Variants in RFX4 observed in about 807,000 individuals in gnomAD.
RFX4 encodes the protein regulatory factor X4.
A neutral mutation model predicts 95.0 loss-of-function variants in RFX4; 10 were observed. The observed-to-expected ratio is 0.11, with a 90% CI of 0.06 to 0.18. The LOEUF (loss-of-function observed/expected upper bound fraction) is 0.18, where lower values mean the gene tolerates loss of function less well. RFX4 is among the 10% of genes least tolerant of loss of function. The pLI is 1.00. For missense variants in RFX4, 640 were observed against 922.0 expected (o/e 0.69, Z 3.96); for synonymous variants, 321 against 340.7 (o/e 0.94, Z 0.64).
chr12:106,675,992 C>T (rs558198683), intron 4 of RFX4, among the ~76,000 whole-genome samples: 62 of 152,202 alleles, frequency 4.1e-4, no homozygotes, highest in African/African-American at 1.4e-3. Context: ...TGGGGCATGA[C>T]GGGAAGCAGG....
In RFX4 at chr12:106,639,344, A is replaced by G; in HGVS notation, c.143A>G (p.Glu48Gly). Residue 48 changes from glutamate (E) to glycine (G), a missense_variant, in exon 3 of 18, where the codon GAA (glutamate) becomes GGA (glycine). Physicochemically the swap from Glu to Gly is moderately conservative, Grantham distance 98. Transcript: ENST00000392842. ...TTTCCTTTAACAGATGAGGAAAAAGAAAATAATAGAGCATCCAAGCCCCAC... is the reference window on the plus strand; with the variant it reads ...TTTCCTTTAACAGATGAGGAAAAAGGAAATAATAGAGCATCCAAGCCCCAC... ...NVSNDENEEK[E>G]NNRASKPHST... 3 of 1,613,590 alleles carry G rather than the reference A, an allele frequency of 1.9e-6. No homozygotes were observed. The highest frequency in any genetic ancestry group is 2.5e-6 in the Non-Finnish European group (3 of 1,179,786).
intron 15 of RFX4, among the ~76,000 whole-genome samples, chr12:106,743,168 G>T (rs1337769598): frequency 6.6e-6 from 1 of 152,092 alleles, no homozygotes; most frequent in Non-Finnish European, 1.5e-5. Context: ...TAAATAAATA[G>T]AAATGTGAGG....
chr12:106,721,508 C>T (rs1234574933), intron 13 of RFX4, among the ~76,000 whole-genome samples: 1 of 152,160 alleles, frequency 6.6e-6, no homozygotes, highest in African/African-American at 2.4e-5. Context: ...CGGGCAGCAA[C>T]CTGATTACTG....
intron 4 of RFX4, among the ~76,000 whole-genome samples, chr12:106,671,693 G>A (rs750437239): frequency 1.3e-5 from 2 of 151,652 alleles, no homozygotes; most frequent in East Asian, 1.9e-4. Context: ...ATGGAGTCTC[G>A]CTCTGTCACC....
chr12:106,741,263 C>G (rs1465647397), intron 15 of RFX4, among the ~76,000 whole-genome samples: 2 of 152,004 alleles, frequency 1.3e-5, no homozygotes, highest in African/African-American at 2.4e-5. Context: ...GCCTGCATGA[C>G]AGAGTGAGAC....
intron 17 of RFX4, among the ~76,000 whole-genome samples, chr12:106,754,264 G>A (rs192155784): frequency 6.6e-6 from 1 of 152,300 alleles, no homozygotes; most frequent in East Asian, 1.9e-4. Context: ...TAGGAGCTCC[G>A]TCTCTTGGGA....
chr12:106,708,950 C>G (rs1719114805), intron 8 of RFX4, among the ~76,000 whole-genome samples: 1 of 152,182 alleles, frequency 6.6e-6, no homozygotes, highest in South Asian at 2.1e-4. Context: ...AGTTATGTTG[C>G]AAACAGGGTT....
intron 8 of RFX4, among the ~76,000 whole-genome samples, chr12:106,707,020 T>TAA: frequency 6.6e-6 from 1 of 152,326 alleles, no homozygotes; most frequent in Non-Finnish European, 1.5e-5. Flanking sequence ...TTTTAGGGGT[T>TAA]AAATGACATC....
chr12:106,704,804 TG>T (rs1190358664), intron 8 of RFX4, among the ~76,000 whole-genome samples: 1 of 151,964 alleles, frequency 6.6e-6, no homozygotes, highest in African/African-American at 2.4e-5. Flanking sequence ...TAAGAAAGTG[TG>T]TGTGTATGCA....
intron 2 of RFX4, among the ~76,000 whole-genome samples, chr12:106,617,959 T>C (rs1565951715): frequency 6.6e-6 from 1 of 152,154 alleles, no homozygotes; most frequent in Non-Finnish European, 1.5e-5. Flanking sequence ...ACTCCTGACC[T>C]CAAGTGATCC....
intron 4 of RFX4, among the ~76,000 whole-genome samples, chr12:106,676,823 C>A (rs1265706276): frequency 6.6e-6 from 1 of 152,214 alleles, no homozygotes; most frequent in South Asian, 2.1e-4. Context: ...TCCTCAAACA[C>A]ACCCAATGTG....
At chr12:106,668,394 G>A (rs954745908) in intron 4 of RFX4, among the ~76,000 whole-genome samples, 3 of 152,076 alleles carry the variant, frequency 2.0e-5, no homozygotes, top group African/African-American at 7.2e-5. Context: ...TGGCTATCAG[G>A]GAGGCAAGAA....
chr12:106,710,835 T>C (rs1269039261), intron 9 of RFX4, among the ~76,000 whole-genome samples: 1 of 152,172 alleles, frequency 6.6e-6, no homozygotes, highest in Non-Finnish European at 1.5e-5. Context: ...AATCCACAGA[T>C]ATAAGATCAC....
chr12:106,691,563 T>C (rs537467492), intron 7 of RFX4, among the ~76,000 whole-genome samples: 1 of 152,254 alleles, frequency 6.6e-6, no homozygotes, highest in African/African-American at 2.4e-5. Flanking sequence ...TGGATGTATC[T>C]GGTACACCTT....
In RFX4 at chr12:106,744,880, G is replaced by A. The variant is rs144274405; in HGVS notation, c.1634-2557G>A. On this transcript the variant is annotated intron_variant, in intron 15 of 17. Transcript: ENST00000392842. ...GCAGTTAGTGTTGACAAAAGGAACC[G>A]TCCTTAGAATCAAGATGAAGTCCAT... Among the ~76,000 whole-genome samples, 33 of 152,268 alleles carry A rather than the reference G, an allele frequency of 2.2e-4. 1 individual carries two copies. The highest frequency in any genetic ancestry group is 6.3e-4 in the African/African-American group (26 of 41,550).
At chr12:106,664,763 A>C (rs2041141442) in intron 4 of RFX4, among the ~76,000 whole-genome samples, 1 of 151,744 alleles carries the variant, frequency 6.6e-6, no homozygotes, top group African/African-American at 2.4e-5. Flanking sequence ...TGGTTCAAAT[A>C]TTTTTATTTC....
chr12:106,658,510 T>G (rs2041006293), intron 4 of RFX4, among the ~76,000 whole-genome samples: 1 of 152,196 alleles, frequency 6.6e-6, no homozygotes, highest in Admixed American at 6.5e-5. Flanking sequence ...CACATCTAAG[T>G]CAGACCTTCT....
intron 2 of RFX4, among the ~76,000 whole-genome samples, chr12:106,631,365 G>A (rs143206887): frequency 1.3e-5 from 2 of 152,184 alleles, no homozygotes; most frequent in African/African-American, 4.8e-5. Context: ...GGTGAGCAAG[G>A]TCTGCACCCT....
chr12:106,726,841 G>A (rs892219160), intron 13 of RFX4, among the ~76,000 whole-genome samples: 3 of 151,946 alleles, frequency 2.0e-5, no homozygotes, highest in East Asian at 1.9e-4. Flanking sequence ...GTGCAATGTC[G>A]GCTCACTGCA....
Sources: allele counts gnomAD v4.1 joint callset (sites outside exome capture counted in the v4.1 genomes callset), GRCh38; gene constraint gnomAD v4.1.1; transcripts MANE v1.5; gene names NCBI Gene and HGNC (gene_info 2026-07-23, HGNC 2026-07-21).